The following NELL1 variants were observed in gnomAD, a reference collection of about 807,000 sequenced individuals.
NELL1 encodes neural EGFL like 1.
A neutral mutation model predicts 107.4 loss-of-function variants in NELL1; 76 were observed. The ratio of observed to expected loss-of-function variants is 0.71; its 90% CI spans 0.59 to 0.86. The LOEUF (loss-of-function observed/expected upper bound fraction) is 0.86, where lower values mean the gene tolerates loss of function less well. Among genes scored for constraint, NELL1 ranks in the 40% least tolerant of loss-of-function variants. NELL1 has a pLI of 0.00. For synonymous variants in NELL1, 353 were observed against 341.2 expected (o/e 1.03, Z -0.38); for missense variants, 1,024 against 1,005.5 (o/e 1.02, Z -0.25).
At chr11:21,329,865 CTCT>C (rs1196923543) in intron 14 of NELL1, among the ~76,000 whole-genome samples, 4 of 152,040 alleles carry the variant, frequency 2.6e-5, no homozygotes, top group East Asian at 3.9e-4. Context: ...GTTCTGTTTT[CTCT>C]TCTTCTTTGT....
chr11:20,731,748 A>G lies in NELL1; in HGVS notation c.185-51932A>G, dbSNP rs971706541. 3.3e-5 allele frequency among the ~76,000 whole-genome samples: 5 copies of G among 152,320 alleles called. No homozygotes were observed. The East Asian group carries it at 9.6e-4, about 29-fold the overall frequency. ...ATAATAACCACCTCACAGGGTTACT[A>G]TAAGGATGAAAATAAAAACCATGTA... On this transcript the variant is annotated intron_variant, in intron 2 of 19. Transcript: ENST00000357134.
At chr11:21,187,995 A>G (rs1856969963) in intron 13 of NELL1, among the ~76,000 whole-genome samples, 1 of 151,838 alleles carries the variant, frequency 6.6e-6, no homozygotes. Flanking sequence ...AAGGGTGTCT[A>G]TGAAACTGAA....
intron 14 of NELL1, among the ~76,000 whole-genome samples, chr11:21,361,181 T>C (rs1376004783): frequency 6.6e-6 from 1 of 152,006 alleles, no homozygotes; most frequent in Non-Finnish European, 1.5e-5. Context: ...TCTCTCAGCG[T>C]TTGTTTGTGT....
intron 2 of NELL1, among the ~76,000 whole-genome samples, chr11:20,713,010 G>T (rs1359633117): frequency 6.6e-6 from 1 of 152,214 alleles, no homozygotes; most frequent in Non-Finnish European, 1.5e-5. Flanking sequence ...CTAGGATGTT[G>T]CAGGCAGTGG....
intron 12 of NELL1, among the ~76,000 whole-genome samples, chr11:21,029,340 T>C (rs980895703): frequency 2.0e-5 from 3 of 152,310 alleles, no homozygotes; most frequent in Admixed American, 6.5e-5. Context: ...GTCTATACTG[T>C]CTTCCTTTGA....
intron 16 of NELL1, among the ~76,000 whole-genome samples, chr11:21,547,293 A>G (rs535962832): frequency 6.6e-6 from 1 of 151,888 alleles, no homozygotes; most frequent in Non-Finnish European, 1.5e-5. Flanking sequence ...CAGCCTGATT[A>G]TAGATGTGGT....
chr11:21,489,945 G>C (rs1360892565), intron 15 of NELL1, among the ~76,000 whole-genome samples: 3 of 151,836 alleles, frequency 2.0e-5, no homozygotes, highest in Non-Finnish European at 2.9e-5. Context: ...GGAGCCCTCA[G>C]CAAAACAATC....
At chr11:21,290,888 A>C (rs1009210387) in intron 14 of NELL1, among the ~76,000 whole-genome samples, 1 of 152,182 alleles carries the variant, frequency 6.6e-6, no homozygotes, top group Non-Finnish European at 1.5e-5. Context: ...ATGAGGAAAA[A>C]CCAGTGCAAA....
chr11:20,790,762 C>T (rs1329036522), intron 3 of NELL1, among the ~76,000 whole-genome samples: 2 of 152,174 alleles, frequency 1.3e-5, no homozygotes, highest in African/African-American at 4.8e-5. Flanking sequence ...TGGGCGGCTG[C>T]AGCTATGCCT....
chr11:20,830,390 C>T (rs1235542784), intron 3 of NELL1, among the ~76,000 whole-genome samples: 3 of 151,444 alleles, frequency 2.0e-5, no homozygotes, highest in Non-Finnish European at 4.4e-5. Flanking sequence ...TCAGTAATAC[C>T]TGGTCTTCTT....
intron 15 of NELL1, among the ~76,000 whole-genome samples, chr11:21,509,399 G>A (rs570890830): frequency 6.6e-6 from 1 of 152,094 alleles, no homozygotes; most frequent in Non-Finnish European, 1.5e-5. Flanking sequence ...ATGTATAAAA[G>A]AACATATGAG....
intron 14 of NELL1, among the ~76,000 whole-genome samples, chr11:21,278,059 GAA>G (rs759301468): frequency 7.4e-6 from 1 of 134,382 alleles, no homozygotes; most frequent in Non-Finnish European, 1.7e-5. Context: ...AAAAAAAAAA[GAA>G]AGAAAAAGCA....
chr11:20,890,380 A>G (rs1849593974), intron 5 of NELL1, among the ~76,000 whole-genome samples: 1 of 152,202 alleles, frequency 6.6e-6, no homozygotes, highest in African/African-American at 2.4e-5. Context: ...AAAGACTGAA[A>G]CTAGACAAAC....
intron 15 of NELL1, among the ~76,000 whole-genome samples, chr11:21,381,673 A>C (rs1425632026): frequency 6.6e-6 from 1 of 151,908 alleles, no homozygotes; most frequent in Non-Finnish European, 1.5e-5. Flanking sequence ...AGTCTCTCTC[A>C]TTCTTCTATC....
chr11:21,082,433 G>A (rs967241933), intron 12 of NELL1, among the ~76,000 whole-genome samples: 1 of 152,146 alleles, frequency 6.6e-6, no homozygotes, highest in African/African-American at 2.4e-5. Context: ...AATCAAAGAT[G>A]CAGAGAGAGA....
chr11:20,731,808 G>A (rs68058158), intron 2 of NELL1, among the ~76,000 whole-genome samples: 18,218 of 152,242 alleles, frequency 0.12, 1,199 homozygotes, highest in Non-Finnish European at 0.15. Context: ...GGATTAGCAA[G>A]TATTGAGTAA....
intron 13 of NELL1, among the ~76,000 whole-genome samples, chr11:21,115,270 C>T (rs1261034795): frequency 6.6e-6 from 1 of 151,800 alleles, no homozygotes; most frequent in African/African-American, 2.4e-5. Context: ...AGTGGGCACC[C>T]AAGTGCCCTT....
chr11:20,707,550 T>A (rs1180347552), intron 2 of NELL1, among the ~76,000 whole-genome samples: 1 of 152,230 alleles, frequency 6.6e-6, no homozygotes, highest in African/African-American at 2.4e-5. Flanking sequence ...TGGGTTTTGG[T>A]GTGGATGTCC....
At chr11:21,044,735 G>A (rs1224352296) in intron 12 of NELL1, among the ~76,000 whole-genome samples, 2 of 152,120 alleles carry the variant, frequency 1.3e-5, no homozygotes, top group Non-Finnish European at 2.9e-5. Context: ...AGGTAGGAGT[G>A]TTGATTTGAT....
Sources: allele counts gnomAD v4.1 joint callset (sites outside exome capture counted in the v4.1 genomes callset), GRCh38; gene constraint gnomAD v4.1.1; transcripts MANE v1.5; gene names NCBI Gene and HGNC (gene_info 2026-07-23, HGNC 2026-07-21).